Variants in MYO1H observed in about 807,000 individuals in gnomAD.
MYO1H encodes unconventional myosin-Ih.
In MYO1H, 118 loss-of-function variants were observed where a neutral mutation model predicts 149.3. The ratio of observed to expected loss-of-function variants is 0.79; its 90% confidence interval spans 0.68 to 0.92. The LOEUF (loss-of-function observed/expected upper bound fraction) is 0.92. Ranked by LOEUF, MYO1H falls within the 40% of genes least tolerant of loss-of-function variation. The probability of loss-of-function intolerance (pLI) is 0.00; values close to 1 mark genes in which losing one functional copy is unlikely to be tolerated. For synonymous variants in MYO1H, 447 were observed against 465.2 expected, an observed-to-expected ratio of 0.96 and a Z score of 0.50; for missense variants, 1,212 against 1,280.7, an observed-to-expected ratio of 0.95 and a Z score of 0.82.
At chr12:109,347,603 CTTTTTTTT>C (rs1176385475), upstream of MYO1H, among the ~76,000 whole-genome samples, 1 of 145,390 alleles carries the variant, frequency 6.9e-6, no homozygotes, top group Admixed American at 6.9e-5. Context: ...TTCTTTTTTT[CTTTTTTTT>C]TAAGCATAGC....
rs374037980 is a variant in MYO1H, at chr12:109,436,441, T to G, written c.2141-47T>G. The G allele has an allele frequency of 3.2e-5, 45 of 1,411,464 alleles. No homozygotes were observed. In the African/African-American group the frequency reaches 5.9e-4, roughly 19 times the overall value. 87.4% of individuals were successfully genotyped at this position (1,411,464 alleles called of 1,614,324 possible). A position where few individuals can be genotyped will look rare whatever the true frequency, so the allele number is the denominator to read the frequency against. ...CCCCTGGAGATCACAACCACAAAGA[T>G]GCGCAAATGCAAAGCCATTTCACCA... On this transcript the variant is annotated intron_variant, in intron 21 of 31. Coordinates refer to ENST00000310903, the Ensembl canonical transcript of MYO1H.
chr12:109,444,155 C>T (rs747905797), intron 28 of MYO1H, 58 bp from the exon 29 acceptor site: 25 of 1,331,394 alleles, frequency 1.9e-5, no homozygotes, highest in Middle Eastern at 3.6e-4. Flanking sequence ...TCTCTTCTTC[C>T]TCTGTACTAA....
At chr12:109,446,551 G>A (rs746834518) in intron 31 of MYO1H, 8 of 716,246 alleles carry the variant, frequency 1.1e-5, no homozygotes, top group Non-Finnish European at 1.4e-5. Flanking sequence ...ATCACCTGAG[G>A]TCAGGAGTTC....
intron 14 of MYO1H, among the ~76,000 whole-genome samples, chr12:109,412,396 G>A (rs1289309915): frequency 2.0e-5 from 3 of 152,016 alleles, no homozygotes; most frequent in South Asian, 2.1e-4. Flanking sequence ...GGCTTCAAGC[G>A]ATCCACCCAT....
At chr12:109,365,316 C>G (rs1868844386) in intron 1 of MYO1H, among the ~76,000 whole-genome samples, 1 of 152,184 alleles carries the variant, frequency 6.6e-6, no homozygotes, top group South Asian at 2.1e-4. Flanking sequence ...TAAACAGGAA[C>G]CAGCAACTGA....
At chr12:109,411,747 C>CCT (rs5800859) in intron 13 of MYO1H, 147 bp from the exon 14 acceptor site, 214,796 of 562,992 alleles carry the variant, frequency 0.38, 43,873 homozygotes, top group African/African-American at 0.59. Context: ...GGATTAAGCC[C>CCT]TTCTTCCCCC....
the MYO1H span, among the ~76,000 whole-genome samples, chr12:109,323,994 T>C: frequency 1.4e-5 from 2 of 143,706 alleles, no homozygotes; most frequent in Non-Finnish European, 3.0e-5. Context: ...CTGGGAAACA[T>C]AGTGAGACCC....
chr12:109,411,038 A>G (rs192494744), intron 13 of MYO1H, among the ~76,000 whole-genome samples: 1 of 152,304 alleles, frequency 6.6e-6, no homozygotes, highest in East Asian at 1.9e-4. Flanking sequence ...GCTACTTGGG[A>G]GGCTGAAACA....
chr12:109,435,885 A>T (rs1459576846), intron 21 of MYO1H, among the ~76,000 whole-genome samples: 1 of 152,110 alleles, frequency 6.6e-6, no homozygotes, highest in Non-Finnish European at 1.5e-5. Flanking sequence ...ATGGCTGGGG[A>T]TCTGGTTGAA....
At chr12:109,443,933 C>T (rs1381997029) in intron 28 of MYO1H, among the ~76,000 whole-genome samples, 1 of 151,950 alleles carries the variant, frequency 6.6e-6, no homozygotes, top group African/African-American at 2.4e-5. Flanking sequence ...AACCATCTGC[C>T]CTCCTCCCCT....
intron 1 of MYO1H, among the ~76,000 whole-genome samples, chr12:109,378,013 C>T (rs1367677142): frequency 6.6e-6 from 1 of 152,216 alleles, no homozygotes; most frequent in East Asian, 1.9e-4. Context: ...AACATAACCA[C>T]TATGCCATAC....
intron 3 of MYO1H, among the ~76,000 whole-genome samples, chr12:109,396,142 C>T (rs896754809): frequency 1.3e-5 from 2 of 151,982 alleles, no homozygotes; most frequent in Admixed American, 1.3e-4. Context: ...AGGCTAGTCT[C>T]GAACTCCTGA....
chr12:109,372,331 C>T lies in MYO1H; in HGVS notation c.13-16352C>T, dbSNP rs553244640. Among the ~76,000 whole-genome samples the T allele has an allele frequency of 3.2e-4, 48 of 152,078 alleles. 1 individual carries two copies. The highest frequency in any genetic ancestry group is 5.3e-4 in the Non-Finnish European group (36 of 67,920). ...AATATGACATAGATGTCCAGCCTTC[C>T]TTTTATAGAACTATCCAGTGTTTCC... On this transcript the variant is annotated intron_variant, in intron 1 of 31. Transcript: ENST00000310903.
At chr12:109,388,560 G>T in intron 1 of MYO1H, 123 bp from the exon 2 acceptor site, 1 of 820,380 alleles carries the variant, frequency 1.2e-6, no homozygotes, top group Non-Finnish European at 1.8e-6. Flanking sequence ...AAGTGAAGAC[G>T]GCATAATTTA....
intron 22 of MYO1H, 30 bp downstream of exon 22, chr12:109,436,586 G>T: frequency 6.6e-7 from 1 of 1,523,756 alleles, no homozygotes; most frequent in Non-Finnish European, 9.0e-7. Flanking sequence ...AAATAAGTTT[G>T]CTCCCTTTCT....
the MYO1H span, among the ~76,000 whole-genome samples, chr12:109,312,201 GT>G: frequency 6.2e-4 from 82 of 132,984 alleles, no homozygotes; most frequent in African/African-American, 1.6e-3. Context: ...AAGAAGTTCA[GT>G]TTTTTTTTTT....
chr12:109,347,167 A>T (rs1011996855), upstream of MYO1H, among the ~76,000 whole-genome samples: 1 of 152,152 alleles, frequency 6.6e-6, no homozygotes, highest in Non-Finnish European at 1.5e-5. Flanking sequence ...CTTAGCCATG[A>T]TCCTGTTGCA....
chr12:109,347,934 TAAC>T (rs1254944941), exon 1 of MYO1H: 2 of 398,896 alleles, frequency 5.0e-6, no homozygotes, highest in Non-Finnish European at 8.8e-6. Flanking sequence ...GAATAGTTGT[TAAC>T]AACCTGCTCT....
At chr12:109,310,968 C>A in the MYO1H span, among the ~76,000 whole-genome samples, 36 of 152,224 alleles carry the variant, frequency 2.4e-4, no homozygotes, top group African/African-American at 7.9e-4. Flanking sequence ...TTTGAATGTC[C>A]CTGAATGACA....
Sources: allele counts gnomAD v4.1 joint callset (sites outside exome capture counted in the v4.1 genomes callset), GRCh38; gene constraint gnomAD v4.1.1; transcripts MANE v1.5; gene names NCBI Gene and HGNC (gene_info 2026-07-23, HGNC 2026-07-21).